The following DENND3 variants were observed in gnomAD, a reference collection of about 807,000 sequenced individuals.
DENND3 encodes the protein DENN domain-containing protein 3.
A neutral mutation model predicts 135.1 loss-of-function variants in DENND3; 88 were observed. The observed-to-expected ratio is 0.65, with a 90% CI of 0.55 to 0.78. DENND3 has a LOEUF of 0.78. Ranked by LOEUF, DENND3 falls within the 30% of genes least tolerant of loss-of-function variation. The pLI, the probability that DENND3 is intolerant of heterozygous loss-of-function variation, is 0.00. For missense variants in DENND3, 1,392 were observed against 1,688.4 expected (o/e 0.82, Z 3.08); for synonymous variants, 693 against 712.3 (o/e 0.97, Z 0.43).
rs1817192225 is a variant in DENND3 at position 141,139,482 on chromosome 8, A to G, written c.501+1345A>G. Among the ~76,000 whole-genome samples the G allele has an allele frequency of 6.6e-6, 1 of 152,208 alleles. No homozygotes were observed. The highest frequency in any genetic ancestry group is 1.5e-5 in the Non-Finnish European group (1 of 68,036). ...TCTCGGGCGGTGCATGCAGGGGACC[A>G]GCGTCCGCCTCTGTGACCTGGCTGC... On this transcript the variant is annotated intron_variant, in intron 3 of 22. Transcript: ENST00000519811. The surrounding 1 kb of genome is among the most constrained non-coding windows in gnomAD (Gnocchi z 4.2).
chr8:141,162,174 T>G (rs1820217240), intron 9 of DENND3, among the ~76,000 whole-genome samples: 1 of 152,254 alleles, frequency 6.6e-6, no homozygotes, highest in Non-Finnish European at 1.5e-5. Context: ...AATGGGATGG[T>G]GTATTACAGA....
intron 5 of DENND3, among the ~76,000 whole-genome samples, chr8:141,149,298 G>A (rs307753): frequency 0.064 from 9,763 of 152,244 alleles, 1,038 homozygotes; most frequent in African/African-American, 0.22. Flanking sequence ...GGTCCTCAGC[G>A]TGGCTGGCAG....
chr8:141,129,380 G>A (rs962221896), intron 1 of DENND3, among the ~76,000 whole-genome samples: 59 of 152,290 alleles, frequency 3.9e-4, no homozygotes, highest in African/African-American at 1.3e-3. Flanking sequence ...ACCCCTTTGC[G>A]ATGAAGCCTA....
chr8:141,185,726 T>A (rs1823804327), intron 18 of DENND3, among the ~76,000 whole-genome samples: 1 of 151,670 alleles, frequency 6.6e-6, no homozygotes, highest in South Asian at 2.1e-4. Context: ...CTTGGGAAGC[T>A]GAGGTGGTAG....
chr8:141,182,335 G>A lies in DENND3; in HGVS notation c.2944+1481G>A, dbSNP rs1823251284. On this transcript the variant is annotated intron_variant, in intron 17 of 22. Transcript: ENST00000519811. This position sits in a 1 kb window ranked among gnomAD's most constrained non-coding sequence, Gnocchi z 5.9. The stretch of plus-strand genomic sequence containing the variant: ...CTTCATGGCAGGCCAAGAAACCCAG[G>A]AACGCGATAGACCCTGGCTGAGTGA... The A allele has an allele frequency of 1.0e-6, 1 of 985,264 alleles. No homozygotes were observed. Among genetic ancestry groups the A allele is most frequent in the Non-Finnish European group, 1.2e-6 (1 of 829,946 alleles). 61.0% of individuals were successfully genotyped at this position (985,264 alleles called of 1,614,324 possible). A position where few individuals can be genotyped will look rare whatever the true frequency, so the allele number is the denominator to read the frequency against.
rs1245223792 is a variant in DENND3 at position 141,166,486 on chromosome 8, G to C, written c.1753+97G>C. 64 of 1,269,620 alleles carry C rather than the reference G, an allele frequency of 5.0e-5. No individual in the cohort carries two copies. Among genetic ancestry groups the C allele is most frequent in the Non-Finnish European group, 6.4e-5 (59 of 927,552 alleles). The allele number at this position is 1,269,620 out of a possible 1,614,324, so 78.6% of individuals were successfully genotyped here. A position where few individuals can be genotyped will look rare whatever the true frequency, so the allele number is the denominator to read the frequency against. On this transcript the variant is annotated intron_variant, in intron 12 of 22. Transcript: ENST00000519811. This position sits in a 1 kb window ranked among gnomAD's most constrained non-coding sequence, Gnocchi z 4.3. ...AACTGGGACTTGTTTCAGGAGAGAC[G>C]AGTGGGCTTGTTTTAGCAGCTGAGT...
At position 141,166,181 on chromosome 8, in the gene DENND3, G is replaced by A. The variant is rs2241735; in HGVS notation, c.1554-9G>A. The A allele has an allele frequency of 0.2, 328,010 of 1,611,522 alleles. 34,187 individuals are homozygous for A. Among genetic ancestry groups the A allele is most frequent in the South Asian group, 0.21 (19,036 of 90,804 alleles). ...CTATAAACTAACGCGTTGCTTTTTC[G>A]TACCCCAGAATAAATGGAATGCTTC... is the stretch of plus-strand genomic sequence containing the variant. On this transcript the variant is annotated splice_polypyrimidine_tract_variant and intron_variant, in intron 11 of 22. Coordinates refer to ENST00000519811, the MANE Select transcript of DENND3 (RefSeq NM_001352890.3). The surrounding 1 kb of genome is among the most constrained non-coding windows in gnomAD (Gnocchi z 4.3).
intron 10 of DENND3, among the ~76,000 whole-genome samples, chr8:141,164,549 G>A (rs943151046): frequency 1.3e-5 from 2 of 152,250 alleles, no homozygotes; most frequent in Non-Finnish European, 2.9e-5. Flanking sequence ...GCTGTTGGGA[G>A]CGTGACTGGC....
intron 4 of DENND3, among the ~76,000 whole-genome samples, chr8:141,143,695 C>A (rs144103853): frequency 1.2e-3 from 189 of 152,240 alleles, no homozygotes; most frequent in African/African-American, 4.0e-3. Flanking sequence ...TGTGAGCCAC[C>A]GCACCCACCC....
Position 141,175,231 on chromosome 8 carries a change from C to T in DENND3, c.2307C>T (p.Phe769=), listed in dbSNP as rs1589673056. 1.2e-6 allele frequency: 2 copies of T among 1,614,076 alleles called. No individual in the cohort carries two copies. Among genetic ancestry groups the T allele is most frequent in the Non-Finnish European group, 1.7e-6 (2 of 1,179,982 alleles). Residue 769 remains phenylalanine (F), a synonymous_variant, in exon 14 of 23, where the codon TTC becomes TTT. Coordinates refer to ENST00000519811, the MANE Select transcript of DENND3 (RefSeq NM_001352890.3). This position sits in a 1 kb window ranked among gnomAD's most constrained non-coding sequence, Gnocchi z 5.4. ...AGAAACAAATCGACCCAGAAACATT[C>T]AAAGATTTCTACAACTGCTGGAAGG... ...GQEKQIDPET[F]KDFYNCWKET... is the part of the protein sequence containing the mutation.
intron 10 of DENND3, among the ~76,000 whole-genome samples, chr8:141,163,835 G>T (rs1363754659): frequency 4.6e-5 from 7 of 151,680 alleles, no homozygotes; most frequent in Admixed American, 1.3e-4. Flanking sequence ...TTGAACCCAG[G>T]GGGTGGAGGT....
rs773734634 is a variant in DENND3, at chr8:141,151,647, G to A, written c.884G>A (p.Arg295Gln). The stretch of plus-strand genomic sequence containing the variant: ...CTGACATGCATCCTGACGGAACAGC[G>A]GATCGTCTTCTTCTCCTCGGACTGG... ...QILTCILTEQ[R>Q]IVFFSSDWAL... The change falls in exon 7 of 23, where the codon CGG becomes CAG. Residue 295 changes from arginine (R) to glutamine (Q), a missense_variant. Transcript: ENST00000519811. 7.4e-6 allele frequency: 12 copies of A among 1,613,892 alleles called. No individual in the cohort carries two copies. The Admixed American group carries it at 8.3e-5, about 11-fold the overall frequency.
rs199822638 is a variant in DENND3, at chr8:141,150,897, C to T, written c.799C>T (p.Leu267=). The T allele has an allele frequency of 8.1e-6, 13 of 1,610,206 alleles. No individual in the cohort carries two copies. The highest frequency in any genetic ancestry group is 1.7e-6 in the Non-Finnish European group (2 of 1,179,112). ...CCGAGCAGACCCCGAAAGCCCCATCCTGGACCTGGACCTTCACCTGCCCTT... is the reference window on the plus strand; with the variant it reads ...CCGAGCAGACCCCGAAAGCCCCATCTTGGACCTGGACCTTCACCTGCCCTT... ...PARADPESPI[L]DLDLHLPLLC... is the part of the protein sequence containing the mutation. Residue 267 remains leucine, a synonymous_variant, in exon 6 of 23, where the codon CTG becomes TTG. Transcript: ENST00000519811.
Position 141,192,556 on chromosome 8 carries a change from C to G in DENND3, c.3529C>G (p.Arg1177Gly). 1 of 1,584,606 alleles carries G rather than the reference C, an allele frequency of 6.3e-7. No homozygotes were observed. Among genetic ancestry groups the G allele is most frequent in the South Asian group, 1.2e-5 (1 of 86,720 alleles). Residue 1177 changes from arginine to glycine, a missense_variant, in exon 22 of 23, where the codon CGC becomes GGC. Arg to Gly is a moderately radical substitution (Grantham distance 125, BLOSUM62 -2). Coordinates refer to ENST00000519811, the MANE Select transcript of DENND3 (RefSeq NM_001352890.3). ...EEQLWAACAG[R>G]SEVYIWSLKD... is the part of the protein sequence containing the mutation. Reference sequence around the variant, plus strand: ...GCAGCTGTGGGCGGCCTGTGCAGGACGCAGCGAGGTTTACATCTGGAGCCT... The same window carrying G: ...GCAGCTGTGGGCGGCCTGTGCAGGAGGCAGCGAGGTTTACATCTGGAGCCT...
At chr8:141,181,473 G>T (rs1823089221) in intron 17 of DENND3, among the ~76,000 whole-genome samples, 1 of 152,340 alleles carries the variant, frequency 6.6e-6, no homozygotes, top group Non-Finnish European at 1.5e-5. Flanking sequence ...GTGGCCCTGA[G>T]CGGCCCTGAG....
intron 19 of DENND3, among the ~76,000 whole-genome samples, chr8:141,189,457 C>T (rs560976167): frequency 6.6e-6 from 1 of 152,354 alleles, no homozygotes; most frequent in African/African-American, 2.4e-5. Flanking sequence ...GGTGCACCAG[C>T]CATGGTGTCA....
In DENND3 at chr8:141,167,881, C is replaced by A; in HGVS notation, c.1754-123C>A. The stretch of plus-strand genomic sequence containing the variant: ...TGTGTGGAGCTTTCTGGAGGGAGCA[C>A]ACCCATTCTCATTTTATTTTGCATC... On this transcript the variant is annotated intron_variant, in intron 12 of 22. Transcript: ENST00000519811. This position sits in a 1 kb window ranked among gnomAD's most constrained non-coding sequence, Gnocchi z 4.1. 1 of 1,379,974 alleles carries A rather than the reference C, an allele frequency of 7.2e-7. No homozygotes were observed. Among genetic ancestry groups the A allele is most frequent in the Non-Finnish European group, 9.9e-7 (1 of 1,014,304 alleles). 85.5% of individuals were successfully genotyped at this position (1,379,974 alleles called of 1,614,324 possible). A position where few individuals can be genotyped will look rare whatever the true frequency, so the allele number is the denominator to read the frequency against.
chr8:141,145,834 TATATA>T (rs1818018726), intron 5 of DENND3, among the ~76,000 whole-genome samples: 1 of 82,334 alleles, frequency 1.2e-5, no homozygotes, highest in African/African-American at 8.7e-5. Flanking sequence ...TATATATATA[TATATA>T]TATATATATA....
Position 141,174,623 on chromosome 8 carries a change from A to G in DENND3, c.2276-577A>G, listed in dbSNP as rs1214279105. Among the ~76,000 whole-genome samples, 1 of 152,072 alleles carries G rather than the reference A, an allele frequency of 6.6e-6. No homozygotes were observed. The highest frequency in any genetic ancestry group is 1.5e-5 in the Non-Finnish European group (1 of 67,994). On this transcript the variant is annotated intron_variant, in intron 13 of 22. Coordinates refer to ENST00000519811, the MANE Select transcript of DENND3 (RefSeq NM_001352890.3). This position sits in a 1 kb window ranked among gnomAD's most constrained non-coding sequence, Gnocchi z 4.6. ...GCCCGTGAGTGCTGGCCTCGTGGGA[A>G]GGTTACTGCTTCTCATCAGCGGAGG... is the stretch of plus-strand genomic sequence containing the variant.
Sources: allele counts gnomAD v4.1 joint callset (sites outside exome capture counted in the v4.1 genomes callset), GRCh38; gene constraint gnomAD v4.1.1; non-coding constraint Gnocchi (gnomAD v3.1); transcripts MANE v1.5; gene names NCBI Gene and HGNC (gene_info 2026-07-23, HGNC 2026-07-21).